Variants in MDGA2 observed in about 807,000 individuals in gnomAD.
The protein encoded by MDGA2 is MAM domain-containing glycosylphosphatidylinositol anchor protein 2.
MDGA2 carries 40 observed loss-of-function variants against 117.8 expected under a neutral mutation model. That is an observed-to-expected ratio of 0.34 (90% CI 0.26 to 0.44). The LOEUF is 0.44. MDGA2 is among the 20% of genes least tolerant of loss of function. The pLI is 1.00. For missense variants in MDGA2, 1,123 were observed against 1,250.6 expected (o/e 0.90, Z 1.54); for synonymous variants, 452 against 439.0 (o/e 1.03, Z -0.37).
intron 1 of MDGA2, among the ~76,000 whole-genome samples, chr14:47,619,736 G>A (rs896110903): frequency 6.6e-6 from 1 of 152,218 alleles, no homozygotes; most frequent in African/African-American, 2.4e-5. Flanking sequence ...AAAAGGCTGT[G>A]AATTTTATGT....
chr14:47,493,032 A>C (rs998029728), intron 1 of MDGA2, among the ~76,000 whole-genome samples: 2 of 151,966 alleles, frequency 1.3e-5, no homozygotes, highest in African/African-American at 4.8e-5. Context: ...AATTTAAAAA[A>C]TCATTCTAAT....
At chr14:47,224,443 A>G (rs2139541768) in intron 2 of MDGA2, among the ~76,000 whole-genome samples, 1 of 152,294 alleles carries the variant, frequency 6.6e-6, no homozygotes, top group East Asian at 1.9e-4. Flanking sequence ...TGAATCCAAA[A>G]AGTATATTGT....
intron 2 of MDGA2, among the ~76,000 whole-genome samples, chr14:47,267,597 T>C (rs1287524916): frequency 6.6e-6 from 1 of 152,158 alleles, no homozygotes; most frequent in Non-Finnish European, 1.5e-5. Context: ...GAAATAATGG[T>C]TTAAGTGTAT....
intron 9 of MDGA2, among the ~76,000 whole-genome samples, chr14:46,937,830 T>C (rs1884839356): frequency 1.3e-5 from 2 of 152,240 alleles, no homozygotes; most frequent in East Asian, 3.9e-4. Context: ...AAATGTAAGA[T>C]CTGGAATTAT....
At chr14:47,184,436 A>G (rs1006855549) in intron 3 of MDGA2, among the ~76,000 whole-genome samples, 21 of 151,894 alleles carry the variant, frequency 1.4e-4, no homozygotes, top group African/African-American at 5.1e-4. Context: ...AGATTTTATA[A>G]ATTGATACTG....
At chr14:47,113,083 C>T (rs73248031) in intron 5 of MDGA2, among the ~76,000 whole-genome samples, 3,563 of 152,022 alleles carry the variant, frequency 0.023, 133 homozygotes, top group African/African-American at 0.082. Context: ...AACTTTTTAA[C>T]GGGAATATTT....
chr14:47,393,697 T>A (rs1177970752), intron 1 of MDGA2, among the ~76,000 whole-genome samples: 2 of 152,116 alleles, frequency 1.3e-5, no homozygotes, highest in Non-Finnish European at 1.5e-5. Context: ...CAAAGGCCAA[T>A]GAAATCTGAA....
chr14:47,597,546 C>A lies in MDGA2; in HGVS notation c.280+76971G>T, dbSNP rs542891346. On this transcript the variant is annotated intron_variant, in intron 1 of 16. Transcript: ENST00000399232. ...GTCTTTTAACTTTGTATTTTTATAT[C>A]TCAGAAATTGGAAAATGTAAAAAAT... is the stretch of plus-strand genomic sequence containing the variant. 1.9e-3 allele frequency among the ~76,000 whole-genome samples: 288 copies of A among 152,058 alleles called. 1 individual carries two copies. The highest frequency in any genetic ancestry group is 6.6e-3 in the African/African-American group (275 of 41,498).
intron 6 of MDGA2, among the ~76,000 whole-genome samples, chr14:47,076,010 C>CA (rs1004347114): frequency 3.3e-5 from 5 of 151,778 alleles, no homozygotes; most frequent in Non-Finnish European, 7.4e-5. Context: ...CGAATACTCA[C>CA]AAAAAAACCC....
At chr14:47,460,028 GTTATTT>G (rs1172283556) in intron 1 of MDGA2, among the ~76,000 whole-genome samples, 1 of 151,998 alleles carries the variant, frequency 6.6e-6, no homozygotes, top group Non-Finnish European at 1.5e-5. Flanking sequence ...ATTTGTATCT[GTTATTT>G]TTAACTTCAA....
chr14:47,359,365 ACAAG>A lies in MDGA2; in HGVS notation c.281-57819_281-57816del, dbSNP rs1039222399. ...GAGACTCTGTCTCAAAAACAAACAA[ACAAG>A]CAAACAAACAAACAAAAAACATTAT... On this transcript the variant is annotated intron_variant, in intron 1 of 16. Coordinates refer to ENST00000399232, the MANE Select transcript of MDGA2 (RefSeq NM_001113498.3). 1.6e-4 allele frequency among the ~76,000 whole-genome samples: 25 copies of A among 151,958 alleles called. 1 individual carries two copies. Among genetic ancestry groups the A allele is most frequent in the South Asian group, 2.1e-4 (1 of 4,822 alleles).
At chr14:47,214,247 C>A (rs1317752314) in intron 3 of MDGA2, among the ~76,000 whole-genome samples, 3 of 152,032 alleles carry the variant, frequency 2.0e-5, no homozygotes, top group Non-Finnish European at 4.4e-5. Flanking sequence ...ACAACAACAA[C>A]AAAAATTGTA....
At chr14:46,881,789 TAAAG>T (rs958390083) in intron 11 of MDGA2, among the ~76,000 whole-genome samples, 10 of 152,074 alleles carry the variant, frequency 6.6e-5, no homozygotes, top group African/African-American at 2.4e-4. Flanking sequence ...GGATCAAAAA[TAAAG>T]AAACATTGCT....
intron 3 of MDGA2, among the ~76,000 whole-genome samples, chr14:47,181,164 C>G (rs1296298448): frequency 6.6e-6 from 1 of 152,042 alleles, no homozygotes; most frequent in Non-Finnish European, 1.5e-5. Flanking sequence ...TCGTGGTTCG[C>G]TGCACCTAGT....
chr14:47,099,119 A>C (rs1239294939), intron 5 of MDGA2, among the ~76,000 whole-genome samples: 1 of 151,952 alleles, frequency 6.6e-6, no homozygotes, highest in Admixed American at 6.6e-5. Flanking sequence ...CCTGAAACTA[A>C]AAATAGCCCA....
rs556913649 is a variant in MDGA2, at chr14:46,867,052, A to G, written c.2752+6381T>C. On this transcript the variant is annotated intron_variant, in intron 14 of 16. Transcript: ENST00000399232. The stretch of plus-strand genomic sequence containing the variant: ...CCATCCCATTACTGGGTATATACTC[A>G]AAGGACTATAAATCATGCTGCTATA... Among the ~76,000 whole-genome samples the G allele has an allele frequency of 1.6e-3, 240 of 152,272 alleles. 2 individuals carry two copies. Among genetic ancestry groups the G allele is most frequent in the African/African-American group, 5.6e-3 (233 of 41,552 alleles).
chr14:47,636,696 A>G (rs1160247436), intron 1 of MDGA2, among the ~76,000 whole-genome samples: 1 of 145,594 alleles, frequency 6.9e-6, no homozygotes, highest in Non-Finnish European at 1.5e-5. Context: ...GAGGCAGGAG[A>G]ATGGCGTGAA....
chr14:47,297,438 TGAAGG>T (rs1410110027), intron 2 of MDGA2, among the ~76,000 whole-genome samples: 4 of 70,544 alleles, frequency 5.7e-5, no homozygotes, highest in Middle Eastern at 7.2e-3. Flanking sequence ...TGGAGGGGAG[TGAAGG>T]GAAGGGAAGG....
chr14:47,376,917 C>A (rs546851078), intron 1 of MDGA2, among the ~76,000 whole-genome samples: 1 of 152,176 alleles, frequency 6.6e-6, no homozygotes, highest in South Asian at 2.1e-4. Flanking sequence ...GATTGACATG[C>A]TATCTACTCC....
Sources: allele counts gnomAD v4.1 joint callset (sites outside exome capture counted in the v4.1 genomes callset), GRCh38; gene constraint gnomAD v4.1.1; transcripts MANE v1.5; gene names NCBI Gene and HGNC (gene_info 2026-07-23, HGNC 2026-07-21).